The following CYFIP1 variants were observed in gnomAD, a reference collection of about 807,000 sequenced individuals.
The protein encoded by CYFIP1 is cytoplasmic FMR1-interacting protein 1.
Under a neutral mutation model 163.5 loss-of-function variants are expected in CYFIP1, and 58 were observed. The observed-to-expected ratio is 0.35, with a 90% confidence interval of 0.29 to 0.44. CYFIP1 has a LOEUF of 0.44. Ranked by LOEUF, CYFIP1 falls within the 20% of genes least tolerant of loss-of-function variation. The pLI is 1.00. For synonymous variants in CYFIP1, 663 were observed against 660.7 expected (o/e 1.00, Z -0.05); for missense variants, 1,338 against 1,653.8 (o/e 0.81, Z 3.31).
intron 19 of CYFIP1, 52 bp from the exon 20 acceptor site, chr15:22,910,680 G>A: frequency 1.2e-6 from 2 of 1,602,192 alleles, no homozygotes; most frequent in Non-Finnish European, 1.7e-6. Context: ...ATTGTAATGG[G>A]AATGTCAGAT....
At chr15:22,935,607 G>A (rs2061687076) in intron 9 of CYFIP1, among the ~76,000 whole-genome samples, 1 of 152,034 alleles carries the variant, frequency 6.6e-6, no homozygotes, top group Admixed American at 6.6e-5. Flanking sequence ...CATCGAGAAC[G>A]CGAAAAGGCT....
At chr15:22,956,477 A>G (rs1479708699) in intron 1 of CYFIP1, among the ~76,000 whole-genome samples, 1 of 152,150 alleles carries the variant, frequency 6.6e-6, no homozygotes, top group African/African-American at 2.4e-5. Context: ...GGAAAAAAAA[A>G]GTTTGTATGT....
Position 22,932,331 on chromosome 15 carries a change from G to C in CYFIP1, c.1002C>G (p.Cys334Trp). ...ACTGAGGGCTGCTGCCGGAGGATGT[G>C]CACGTCCATCTGTGCAGAGAGAAAG... is the stretch of plus-strand genomic sequence containing the variant. The part of the protein sequence containing the change: ...HYEENKSRWT[C>W]TSSGSSPQYN... Residue 334 changes from cysteine (C) to tryptophan (W), a missense_variant, in exon 11 of 31, where the codon TGC becomes TGG. Cys to Trp is a radical substitution (Grantham distance 215). Coordinates refer to ENST00000617928, the MANE Select transcript of CYFIP1 (RefSeq NM_014608.6). 1 of 1,605,304 alleles carries C rather than the reference G, an allele frequency of 6.2e-7. No individual in the cohort carries two copies. Among genetic ancestry groups the C allele is most frequent in the Non-Finnish European group, 8.5e-7 (1 of 1,176,162 alleles).
At chr15:22,918,305 G>T (rs897991881) in intron 14 of CYFIP1, among the ~76,000 whole-genome samples, 1 of 152,086 alleles carries the variant, frequency 6.6e-6, no homozygotes, top group Admixed American at 6.5e-5. Context: ...TAACCAACAG[G>T]AATGTGAAGT....
At chr15:22,906,810 GA>G (rs1164935848) in intron 21 of CYFIP1, among the ~76,000 whole-genome samples, 3 of 152,190 alleles carry the variant, frequency 2.0e-5, no homozygotes, top group Non-Finnish European at 2.9e-5. Context: ...TGTGAAAGAT[GA>G]AGTTACAGTT....
At chr15:22,887,234 C>T (rs2059949414) in intron 23 of CYFIP1, among the ~76,000 whole-genome samples, 1 of 152,050 alleles carries the variant, frequency 6.6e-6, no homozygotes, top group South Asian at 2.1e-4. Flanking sequence ...GTCATGAGAC[C>T]CCCCAAAACA....
intron 2 of CYFIP1, 25 bp downstream of exon 2, chr15:22,947,144 C>T (rs750686875): frequency 2.7e-5 from 43 of 1,613,904 alleles, no homozygotes; most frequent in Middle Eastern, 3.3e-4. Context: ...ACAGGCTGTA[C>T]GCCCTGCAGC....
intron 23 of CYFIP1, among the ~76,000 whole-genome samples, chr15:22,884,475 T>C (rs111788101): frequency 2.1e-3 from 327 of 152,304 alleles, no homozygotes; most frequent in African/African-American, 7.2e-3. Context: ...TGACTCCGTG[T>C]CTCTCATCCA....
In CYFIP1 at chr15:22,903,839, CCAGCGTCAGGTACCGGCT is replaced by C; in HGVS notation, c.2437_2454del (p.Ser813_Leu818del). ...TCCCGGAACATGGCGTCGAAGCCGT[CCAGCGTCAGGTACCGGCT>C]CAGCAGCTTGTGGGTCATGCGGTTG... On this transcript the variant is annotated inframe_deletion, in exon 22 of 31. Transcript: ENST00000617928. The C allele has an allele frequency of 6.2e-7, 1 of 1,614,188 alleles. No individual in the cohort carries two copies. Among genetic ancestry groups the C allele is most frequent in the Non-Finnish European group, 8.5e-7 (1 of 1,180,036 alleles).
intron 20 of CYFIP1, 40 bp from the exon 21 acceptor site, chr15:22,909,353 A>G (rs778542014): frequency 6.2e-7 from 1 of 1,607,076 alleles, no homozygotes. Flanking sequence ...AAGAGTGGAC[A>G]TGAGCAGCTC....
intron 9 of CYFIP1, among the ~76,000 whole-genome samples, chr15:22,934,610 G>T (rs1217298594): frequency 7.1e-6 from 1 of 140,128 alleles, no homozygotes; most frequent in African/African-American, 2.7e-5. Context: ...AGATTCTCCT[G>T]CCTCAGCCTC....
chr15:22,892,337 A>AGCCAC (rs2060106436), intron 23 of CYFIP1, among the ~76,000 whole-genome samples: 1 of 152,214 alleles, frequency 6.6e-6, no homozygotes, highest in South Asian at 2.1e-4. Context: ...TGACAAGCCA[A>AGCCAC]GCCACCCCCA....
In CYFIP1 at chr15:22,937,131, G is replaced by A; in HGVS notation, c.873C>T (p.Asn291=). Residue 291 remains asparagine, a synonymous_variant, in exon 9 of 31, where the codon AAC becomes AAT. Transcript: ENST00000617928. ...TGAAGTACTTGTCGATTTTGGATAA[G>A]TTTATTCTTTTCTTGGCATCCAACT... is the stretch of plus-strand genomic sequence containing the variant. The part of the protein sequence containing the change: ...IYKLDAKKRI[N]LSKIDKYFKQ... 1 of 1,611,732 alleles carries A rather than the reference G, an allele frequency of 6.2e-7. No individual in the cohort carries two copies.
intron 3 of CYFIP1, among the ~76,000 whole-genome samples, chr15:22,945,168 C>T (rs897331257): frequency 2.6e-5 from 4 of 152,172 alleles, no homozygotes; most frequent in Non-Finnish European, 4.4e-5. Flanking sequence ...GTCAGTGACA[C>T]GCAGGCATCT....
Position 22,870,089 on chromosome 15 carries a change from G to GT in CYFIP1, c.3700dup (p.Thr1234AsnfsTer56). On this transcript the variant is annotated frameshift_variant, in exon 31 of 31. Transcript: ENST00000617928. LOFTEE classifies it high-confidence loss of function. ...GAAGCAGCGCACATGCTCCACTGGCGTGCCCTCCCCGTCGCCTGACTTCAG... is the reference window on the plus strand; with the variant it reads ...GAAGCAGCGCACATGCTCCACTGGCGTTGCCCTCCCCGTCGCCTGACTTCAG... 1 of 1,612,690 alleles carries GT rather than the reference G, an allele frequency of 6.2e-7. No individual in the cohort carries two copies. The highest frequency in any genetic ancestry group is 8.5e-7 in the Non-Finnish European group (1 of 1,179,486).
intron 22 of CYFIP1, among the ~76,000 whole-genome samples, chr15:22,898,807 T>A (rs2060309323): frequency 1.3e-5 from 2 of 151,876 alleles, no homozygotes; most frequent in Admixed American, 1.3e-4. Context: ...ATCAAGACCA[T>A]CCTGGCTAAA....
At chr15:22,924,221 TG>T (rs1459850453) in intron 13 of CYFIP1, among the ~76,000 whole-genome samples, 11 of 152,000 alleles carry the variant, frequency 7.2e-5, no homozygotes, top group African/African-American at 2.7e-4. Context: ...GTCAGGAGTT[TG>T]AGACCAGCCC....
intron 1 of CYFIP1, among the ~76,000 whole-genome samples, chr15:22,973,452 TG>T (rs1236526829): frequency 6.6e-6 from 1 of 152,124 alleles, no homozygotes; most frequent in Non-Finnish European, 1.5e-5. Flanking sequence ...TCTCTGTCTC[TG>T]TATATTTGCC....
chr15:22,878,516 T>G (rs1264264863), intron 26 of CYFIP1, among the ~76,000 whole-genome samples: 1 of 151,846 alleles, frequency 6.6e-6, no homozygotes, highest in African/African-American at 2.4e-5. Context: ...GCCTCTCACA[T>G]TATACACAAA....
Sources: allele counts gnomAD v4.1 joint callset (sites outside exome capture counted in the v4.1 genomes callset), GRCh38; gene constraint gnomAD v4.1.1; transcripts MANE v1.5; gene names NCBI Gene and HGNC (gene_info 2026-07-23, HGNC 2026-07-21).